The following HMCN1 variants were observed in gnomAD, a reference collection of about 807,000 sequenced individuals.
The protein encoded by HMCN1 is hemicentin-1.
Under a neutral mutation model 625.9 loss-of-function variants are expected in HMCN1, and 321 were observed. The observed-to-expected ratio is 0.51, with a 90% CI of 0.47 to 0.56. The LOEUF is 0.56. Ranked by LOEUF, HMCN1 falls within the 20% of genes least tolerant of loss-of-function variation. The pLI is 0.00. For missense variants in HMCN1, 6,588 were observed against 6,887.3 expected (o/e 0.96, Z 1.54); for synonymous variants, 2,425 against 2,417.6 (o/e 1.00, Z -0.09).
intron 11 of HMCN1, among the ~76,000 whole-genome samples, chr1:185,953,933 G>C (rs1649429577): frequency 6.6e-6 from 1 of 150,592 alleles, no homozygotes; most frequent in African/African-American, 2.5e-5. Flanking sequence ...TACAGTCAAA[G>C]GGGGGTTGTT....
intron 93 of HMCN1, among the ~76,000 whole-genome samples, 198 bp downstream of exon 93, chr1:186,146,121 G>C (rs976650872): frequency 6.6e-6 from 1 of 152,074 alleles, no homozygotes; most frequent in Non-Finnish European, 1.5e-5. Flanking sequence ...TCCCTTCCAG[G>C]CTTCCTGGTA....
In HMCN1 at chr1:186,088,135, T is replaced by A. The variant is rs753374697; in HGVS notation, c.9446-10T>A. On this transcript the variant is annotated splice_polypyrimidine_tract_variant and intron_variant, in intron 61 of 106. Transcript: ENST00000271588. The stretch of plus-strand genomic sequence containing the variant: ...GTTTTTTTGTTTGTTTGTTTGTTTG[T>A]TTTTTACAGTGCCACCCAGTATTGA... The A allele has an allele frequency of 3.4e-5, 54 of 1,603,984 alleles. No homozygotes were observed. The highest frequency in any genetic ancestry group is 4.4e-5 in the Non-Finnish European group (52 of 1,174,186).
intron 2 of HMCN1, among the ~76,000 whole-genome samples, chr1:185,861,400 T>C (rs1405620273): frequency 5.3e-5 from 8 of 152,202 alleles, no homozygotes; most frequent in Admixed American, 5.2e-4. Context: ...TGGAGTTGTA[T>C]TGTGTACTTG....
chr1:185,993,131 A>T, intron 22 of HMCN1, 51 bp from the exon 23 acceptor site: 1 of 1,554,070 alleles, frequency 6.4e-7, no homozygotes, highest in Non-Finnish European at 8.9e-7. Flanking sequence ...TGCATAGGGG[A>T]TATTTAAATT....
intron 11 of HMCN1, among the ~76,000 whole-genome samples, chr1:185,941,071 C>T (rs1668055396): frequency 1.3e-5 from 2 of 152,140 alleles, no homozygotes; most frequent in Non-Finnish European, 1.5e-5. Context: ...TGGCCAGGCT[C>T]ATCTCGAGCT....
At chr1:185,863,658 C>A (rs1026069831) in intron 2 of HMCN1, among the ~76,000 whole-genome samples, 1 of 152,104 alleles carries the variant, frequency 6.6e-6, no homozygotes. Flanking sequence ...ATGTACCAAT[C>A]CACATAATTA....
chr1:186,129,335 T>C (rs1661804530), intron 83 of HMCN1, among the ~76,000 whole-genome samples: 1 of 151,068 alleles, frequency 6.6e-6, no homozygotes, highest in African/African-American at 2.4e-5. Context: ...TTCTTCTAAA[T>C]GTTATATGTT....
chr1:186,103,257 C>T (rs944781994), intron 68 of HMCN1, among the ~76,000 whole-genome samples: 1 of 152,030 alleles, frequency 6.6e-6, no homozygotes, highest in Non-Finnish European at 1.5e-5. Context: ...TAATGAATTG[C>T]CATTTACTTC....
At chr1:185,969,020 A>C (rs1328304331) in intron 14 of HMCN1, among the ~76,000 whole-genome samples, 1 of 152,208 alleles carries the variant, frequency 6.6e-6, no homozygotes, top group Non-Finnish European at 1.5e-5. Flanking sequence ...ACTAGCAAAA[A>C]AGTCTTTATT....
intron 22 of HMCN1, among the ~76,000 whole-genome samples, chr1:185,991,068 C>T (rs943759188): frequency 1.3e-5 from 2 of 152,138 alleles, no homozygotes; most frequent in African/African-American, 4.8e-5. Flanking sequence ...GGGGATGATA[C>T]TTACCTGAGA....
intron 9 of HMCN1, 38 bp from the exon 10 acceptor site, chr1:185,928,508 T>A: frequency 6.3e-7 from 1 of 1,577,206 alleles, no homozygotes; most frequent in Non-Finnish European, 8.7e-7. Context: ...TGGTCTTATT[T>A]TATAGTAACT....
chr1:186,020,349 T>C (rs1032075598), intron 35 of HMCN1, among the ~76,000 whole-genome samples: 1 of 152,052 alleles, frequency 6.6e-6, no homozygotes, highest in East Asian at 1.9e-4. Context: ...TCGAGTTAAT[T>C]GACTAATGTG....
chr1:185,995,269 C>T (rs929411820), intron 24 of HMCN1, among the ~76,000 whole-genome samples, 182 bp downstream of exon 24: 8 of 152,038 alleles, frequency 5.3e-5, no homozygotes, highest in Admixed American at 2.6e-4. Flanking sequence ...ATTTCTAAAC[C>T]TGCATCAATT....
chr1:185,827,064 C>T (rs963140260), intron 1 of HMCN1, among the ~76,000 whole-genome samples: 7 of 150,266 alleles, frequency 4.7e-5, no homozygotes, highest in Admixed American at 2.0e-4. Context: ...CCCAGCTACT[C>T]GGGAGGCTGA....
At chr1:186,125,539 T>G (rs2102501981) in intron 81 of HMCN1, 65 bp from the exon 82 acceptor site, 1 of 1,274,254 alleles carries the variant, frequency 7.8e-7, no homozygotes, top group Non-Finnish European at 1.1e-6. Flanking sequence ...GTGTTAATTT[T>G]TATTGTGAAT....
rs139178443 is a variant in HMCN1, at chr1:186,178,398, A to G, written c.15944-18A>G. On this transcript the variant is annotated intron_variant, in intron 103 of 106. Coordinates refer to ENST00000271588, the MANE Select transcript of HMCN1 (RefSeq NM_031935.3). ...ATGTGTCTTTTTTTTTCTTTTTTAT[A>G]TCATGGCATACGAGCAGACATTAAT... 1.5e-4 allele frequency: 244 copies of G among 1,575,646 alleles called. No individual in the cohort carries two copies. The African/African-American group carries it at 2.7e-3, about 17-fold the overall frequency.
chr1:186,096,664 A>G (rs1660152380), intron 68 of HMCN1, among the ~76,000 whole-genome samples: 1 of 152,144 alleles, frequency 6.6e-6, no homozygotes, highest in Non-Finnish European at 1.5e-5. Context: ...CTAGCAAACC[A>G]AATTCGACAG....
At chr1:186,025,234 A>T (rs1654985654) in intron 36 of HMCN1, among the ~76,000 whole-genome samples, 1 of 151,958 alleles carries the variant, frequency 6.6e-6, no homozygotes, top group Non-Finnish European at 1.5e-5. Context: ...CTCTCCTGCC[A>T]CTCACCTCCT....
At chr1:186,093,337 G>A (rs1659949556) in intron 65 of HMCN1, 79 bp downstream of exon 65, 1 of 1,597,008 alleles carries the variant, frequency 6.3e-7, no homozygotes, top group Non-Finnish European at 8.6e-7. Flanking sequence ...AGCAGCAGGT[G>A]TCTGGAGCAT....
Sources: allele counts gnomAD v4.1 joint callset (sites outside exome capture counted in the v4.1 genomes callset), GRCh38; gene constraint gnomAD v4.1.1; transcripts MANE v1.5; gene names NCBI Gene and HGNC (gene_info 2026-07-23, HGNC 2026-07-21).